The following ZKSCAN5 variants were observed in gnomAD, a reference collection of about 807,000 sequenced individuals.
The protein encoded by ZKSCAN5 is zinc finger protein with KRAB and SCAN domains 5.
Under a neutral mutation model 60.0 loss-of-function variants are expected in ZKSCAN5, and 28 were observed. That is an observed-to-expected ratio of 0.47 (90% confidence interval 0.35 to 0.64). The LOEUF (loss-of-function observed/expected upper bound fraction) is 0.64, where lower values mean the gene tolerates loss of function less well. Ranked by LOEUF, ZKSCAN5 falls within the 30% of genes least tolerant of loss-of-function variation. The pLI is 0.01. For missense variants in ZKSCAN5, 881 were observed against 1,034.6 expected, an observed-to-expected ratio of 0.85 and a Z score of 2.04; for synonymous variants, 361 against 371.2, an observed-to-expected ratio of 0.97 and a Z score of 0.31.
chr7:99,506,986 A>G (rs1800767549), intron 2 of ZKSCAN5, among the ~76,000 whole-genome samples: 1 of 151,606 alleles, frequency 6.6e-6, no homozygotes, highest in Non-Finnish European at 1.5e-5. Flanking sequence ...GTGAGCCACC[A>G]TGCCCGGCCA....
chr7:99,508,770 A>G (rs906504849), intron 2 of ZKSCAN5, among the ~76,000 whole-genome samples: 29 of 150,370 alleles, frequency 1.9e-4, no homozygotes, highest in Non-Finnish European at 1.8e-4. Flanking sequence ...AAAAAGATAC[A>G]ATATTTTATT....
At chr7:99,516,538 C>T (rs1801273028) in intron 3 of ZKSCAN5, among the ~76,000 whole-genome samples, 1 of 152,076 alleles carries the variant, frequency 6.6e-6, no homozygotes, top group African/African-American at 2.4e-5. Context: ...GATCTAAATA[C>T]CAACAGGGTC....
At chr7:99,523,322 G>A (rs1189995893) in intron 5 of ZKSCAN5, among the ~76,000 whole-genome samples, 1 of 151,944 alleles carries the variant, frequency 6.6e-6, no homozygotes, top group Non-Finnish European at 1.5e-5. Context: ...AAGGGGAGGA[G>A]GAAGTGAGTA....
At chr7:99,507,523 G>GTGTATA (rs1562901576) in intron 2 of ZKSCAN5, among the ~76,000 whole-genome samples, 3 of 133,798 alleles carry the variant, frequency 2.2e-5, no homozygotes, top group Admixed American at 1.5e-4. Context: ...GTGTATATAT[G>GTGTATA]TATATGTGTA....
rs1285616923 is a variant in ZKSCAN5 at position 99,532,002 on chromosome 7, C to T, written c.2273C>T (p.Ser758Phe). The T allele has an allele frequency of 1.2e-6, 2 of 1,614,174 alleles. No homozygotes were observed. Among genetic ancestry groups the T allele is most frequent in the Admixed American group, 3.3e-5 (2 of 60,010 alleles). ...DICRENVGQC[S>F]HTKQHQKIYS... ...TGTAGAGAAAATGTTGGCCAGTGTT[C>T]CCACACCAAACAACATCAAAAAATC... Residue 758 changes from serine to phenylalanine, a missense_variant, in exon 7 of 7, where the codon TCC becomes TTC. Coordinates refer to ENST00000326775, the MANE Select transcript of ZKSCAN5 (RefSeq NM_145102.4).
At chr7:99,514,014 C>G (rs922449312) in intron 3 of ZKSCAN5, among the ~76,000 whole-genome samples, 2 of 152,136 alleles carry the variant, frequency 1.3e-5, no homozygotes, top group Admixed American at 1.3e-4. Context: ...CACTGGACTC[C>G]AGCCTGGGCA....
At chr7:99,518,085 G>A (rs1801345133) in intron 3 of ZKSCAN5, among the ~76,000 whole-genome samples, 1 of 152,124 alleles carries the variant, frequency 6.6e-6, no homozygotes, top group Non-Finnish European at 1.5e-5. Context: ...GGTAATCCAA[G>A]AGTGGTCCAG....
intron 3 of ZKSCAN5, among the ~76,000 whole-genome samples, chr7:99,517,419 A>G (rs7811091): frequency 8.6e-5 from 13 of 151,660 alleles, no homozygotes; most frequent in Admixed American, 7.9e-4. Flanking sequence ...GGTGGCTCAC[A>G]CCTGTAATCC....
intron 5 of ZKSCAN5, 61 bp from the exon 6 acceptor site, chr7:99,525,752 C>G: frequency 1.9e-6 from 3 of 1,544,172 alleles, no homozygotes; most frequent in Non-Finnish European, 2.6e-6. Context: ...ATTATCCCCT[C>G]ATTTTATTTC....
chr7:99,513,349 G>A (rs952445739), intron 3 of ZKSCAN5, among the ~76,000 whole-genome samples: 5 of 151,992 alleles, frequency 3.3e-5, no homozygotes, highest in Non-Finnish European at 1.5e-5. Context: ...AGATCTACAC[G>A]TCTTTTACAA....
Position 99,516,750 on chromosome 7 carries a change from C to A in ZKSCAN5, c.554-3077C>A, listed in dbSNP as rs1347087241. Among the ~76,000 whole-genome samples, 3 of 152,108 alleles carry A rather than the reference C, an allele frequency of 2.0e-5. No homozygotes were observed. The East Asian group carries it at 5.8e-4, about 29-fold the overall frequency. On this transcript the variant is annotated intron_variant, in intron 3 of 6. Coordinates refer to ENST00000326775, the MANE Select transcript of ZKSCAN5 (RefSeq NM_145102.4). ...TGCTGTGGGGAAAGCACCCTGTCTC[C>A]CCGATCTCCATTCCTACTGCCCAGA...
chr7:99,532,760 C>G lies in ZKSCAN5; in HGVS notation c.*511C>G, dbSNP rs1473875899. On this transcript the variant is annotated 3_prime_UTR_variant, in exon 7 of 7. Transcript: ENST00000326775. ...CCACTAGAATACCCTAGTCACTATT[C>G]CCACTTTGAGCATTAACCCCTTTGA... 1 of 155,950 alleles carries G rather than the reference C, an allele frequency of 6.4e-6. No individual in the cohort carries two copies. Among genetic ancestry groups the G allele is most frequent in the Non-Finnish European group, 1.4e-5 (1 of 70,456 alleles). The allele number at this position is 155,950 out of a possible 1,614,324, so 9.7% of individuals were successfully genotyped here.
chr7:99,527,106 G>C (rs1049980013), intron 6 of ZKSCAN5, among the ~76,000 whole-genome samples: 5 of 152,108 alleles, frequency 3.3e-5, no homozygotes, highest in Non-Finnish European at 5.9e-5. Context: ...GAGCTAGGAG[G>C]ATTACTTGAG....
intron 5 of ZKSCAN5, among the ~76,000 whole-genome samples, chr7:99,523,198 G>A (rs1801621193): frequency 6.7e-6 from 1 of 149,330 alleles, no homozygotes; most frequent in Admixed American, 6.7e-5. Flanking sequence ...AAATGGAGGG[G>A]CAGTTAGCTG....
rs764253117 is a variant in ZKSCAN5 at position 99,531,287 on chromosome 7, G to C, written c.1558G>C (p.Glu520Gln). Reference sequence around the variant, plus strand: ...TAGAAAGCAGGGAATTCCCATGAAAGAGATACTAGGACAACCATCTTCAAA... The same window carrying C: ...TAGAAAGCAGGGAATTCCCATGAAACAGATACTAGGACAACCATCTTCAAA... Reference protein sequence around the residue: ...LDRKQGIPMKEILGQPSSKRM... With the variant: ...LDRKQGIPMKQILGQPSSKRM... The change falls in exon 7 of 7, where the codon GAG becomes CAG. Residue 520 changes from glutamate to glutamine, a missense_variant. By Grantham distance (29) the Glu-to-Gln change is conservative (BLOSUM62 2). Coordinates refer to ENST00000326775, the MANE Select transcript of ZKSCAN5 (RefSeq NM_145102.4). 6.2e-7 allele frequency: 1 copy of C among 1,614,146 alleles called. No individual in the cohort carries two copies. Among genetic ancestry groups the C allele is most frequent in the South Asian group, 1.1e-5 (1 of 91,070 alleles).
rs1802055419 is a variant in ZKSCAN5 at position 99,531,741 on chromosome 7, T to C, written c.2012T>C (p.Phe671Ser). 1.2e-6 allele frequency: 2 copies of C among 1,614,016 alleles called. No individual in the cohort carries two copies. Among genetic ancestry groups the C allele is most frequent in the African/African-American group, 1.3e-5 (1 of 74,910 alleles). ...HQCRECGEIF[F>S]QYVSLIEHQV... ...TGTCGTGAATGTGGGGAAATCTTTT[T>C]TCAGTACGTTAGCCTAATTGAACAT... is the stretch of plus-strand genomic sequence containing the variant. The change falls in exon 7 of 7, where the codon TTT (phenylalanine) becomes TCT (serine). Residue 671 changes from phenylalanine (F) to serine (S), a missense_variant. Phe to Ser is a radical substitution (Grantham distance 155). This residue lies in a region of ZKSCAN5 where 112 missense variants were observed against 182.4 expected (regional missense o/e 0.61). Transcript: ENST00000326775.
At chr7:99,525,591 A>T (rs1401106726) in intron 5 of ZKSCAN5, among the ~76,000 whole-genome samples, 1 of 151,792 alleles carries the variant, frequency 6.6e-6, no homozygotes, top group African/African-American at 2.4e-5. Flanking sequence ...GGAATGACTG[A>T]TTTTCAGTCT....
At chr7:99,507,560 T>A (rs1167240873) in intron 2 of ZKSCAN5, among the ~76,000 whole-genome samples, 1 of 148,878 alleles carries the variant, frequency 6.7e-6, no homozygotes, top group African/African-American at 2.5e-5. Flanking sequence ...TATGTATATA[T>A]ATGTGTATAT....
intron 6 of ZKSCAN5, among the ~76,000 whole-genome samples, chr7:99,529,731 T>G (rs1431726885): frequency 6.6e-6 from 1 of 152,134 alleles, no homozygotes; most frequent in Non-Finnish European, 1.5e-5. Context: ...CATCTATTGT[T>G]TTTTGACTTC....
Sources: allele counts gnomAD v4.1 joint callset (sites outside exome capture counted in the v4.1 genomes callset), GRCh38; gene constraint gnomAD v4.1.1; regional missense constraint gnomAD v4.1.1; transcripts MANE v1.5; gene names NCBI Gene and HGNC (gene_info 2026-07-23, HGNC 2026-07-21).